Variants in CCSER1 observed in about 807,000 individuals in gnomAD.
CCSER1 encodes the protein coiled-coil serine rich protein 1, also known as serine-rich coiled-coil domain-containing protein 1.
CCSER1 carries 41 observed loss-of-function variants against 82.0 expected under a neutral mutation model. That is an observed-to-expected ratio of 0.50 (90% CI 0.39 to 0.65). The LOEUF (loss-of-function observed/expected upper bound fraction) is 0.65. Among genes scored for constraint, CCSER1 ranks in the 30% least tolerant of loss-of-function variants. The pLI, the probability that CCSER1 is intolerant of heterozygous loss-of-function variation, is 0.00. For missense variants in CCSER1, 1,119 were observed against 1,064.2 expected (o/e 1.05, Z -0.72); for synonymous variants, 414 against 383.9 (o/e 1.08, Z -0.92).
chr4:90,785,515 C>G (rs1754382997), intron 7 of CCSER1, among the ~76,000 whole-genome samples: 1 of 152,152 alleles, frequency 6.6e-6, no homozygotes, highest in Non-Finnish European at 1.5e-5. Flanking sequence ...AAGTCTATTA[C>G]TTTCAAGATA....
At chr4:90,523,141 G>A (rs1773341633) in intron 5 of CCSER1, among the ~76,000 whole-genome samples, 1 of 152,060 alleles carries the variant, frequency 6.6e-6, no homozygotes, top group Admixed American at 6.6e-5. Flanking sequence ...TTTAAGCCAG[G>A]TTCAGTATTA....
At chr4:90,784,367 C>A (rs1174686789) in intron 7 of CCSER1, among the ~76,000 whole-genome samples, 1 of 152,202 alleles carries the variant, frequency 6.6e-6, no homozygotes, top group Non-Finnish European at 1.5e-5. Flanking sequence ...ATCATAAATG[C>A]ATATGCTGAT....
chr4:91,513,916 T>G (rs1759960836), intron 10 of CCSER1, among the ~76,000 whole-genome samples: 1 of 152,164 alleles, frequency 6.6e-6, no homozygotes, highest in South Asian at 2.1e-4. Context: ...ATTTTTGGTT[T>G]CATTGATTCT....
intron 6 of CCSER1, among the ~76,000 whole-genome samples, chr4:90,700,244 G>C (rs993073248): frequency 6.6e-6 from 1 of 151,990 alleles, no homozygotes; most frequent in African/African-American, 2.4e-5. Context: ...GGTGTGTTTG[G>C]TTTTTTGTCC....
chr4:90,365,110 G>C (rs1464052562), intron 3 of CCSER1, among the ~76,000 whole-genome samples: 2 of 151,640 alleles, frequency 1.3e-5, no homozygotes, highest in Non-Finnish European at 3.0e-5. Context: ...ATTTTTGAGG[G>C]GAAAAAGATA....
chr4:90,439,021 C>T (rs1488798584), intron 4 of CCSER1, among the ~76,000 whole-genome samples: 1 of 152,056 alleles, frequency 6.6e-6, no homozygotes. Context: ...TGGCTGGGCA[C>T]GGTGGCTCAC....
chr4:91,407,357 A>C (rs1752761200), intron 10 of CCSER1, among the ~76,000 whole-genome samples: 1 of 152,180 alleles, frequency 6.6e-6, no homozygotes, highest in African/African-American at 2.4e-5. Context: ...GTGGAGAGTG[A>C]CCATGTATTT....
chr4:91,230,006 T>A (rs189200555), intron 10 of CCSER1, among the ~76,000 whole-genome samples: 1 of 152,062 alleles, frequency 6.6e-6, no homozygotes, highest in South Asian at 2.1e-4. Flanking sequence ...TTAAAAAAAA[T>A]TAATTTCTTT....
chr4:91,243,444 G>A (rs1368627357), intron 10 of CCSER1, among the ~76,000 whole-genome samples: 1 of 152,194 alleles, frequency 6.6e-6, no homozygotes, highest in Non-Finnish European at 1.5e-5. Context: ...ACAGCTAAGG[G>A]AGTGCTTGTG....
intron 8 of CCSER1, among the ~76,000 whole-genome samples, chr4:90,880,828 A>T (rs909108479): frequency 2.0e-5 from 3 of 151,866 alleles, no homozygotes; most frequent in Non-Finnish European, 4.4e-5. Context: ...TGGGCTGGGG[A>T]GGTTACTTTG....
intron 10 of CCSER1, among the ~76,000 whole-genome samples, chr4:91,089,068 T>G (rs1723674664): frequency 6.6e-6 from 1 of 152,160 alleles, no homozygotes; most frequent in Admixed American, 6.5e-5. Context: ...TTTAATCAGC[T>G]GAAAGCATCA....
intron 1 of CCSER1, among the ~76,000 whole-genome samples, chr4:90,276,449 C>T (rs1363584488): frequency 2.0e-5 from 3 of 150,346 alleles, no homozygotes; most frequent in East Asian, 3.9e-4. Context: ...TGGATTCAAG[C>T]GATTCTCCTG....
At chr4:91,430,762 A>C (rs907200697) in intron 10 of CCSER1, among the ~76,000 whole-genome samples, 3 of 152,204 alleles carry the variant, frequency 2.0e-5, no homozygotes, top group Non-Finnish European at 2.9e-5. Context: ...AGCTTCTCAA[A>C]TGAATGCAAA....
chr4:90,749,166 T>A (rs2149475385), intron 7 of CCSER1, among the ~76,000 whole-genome samples: 1 of 151,118 alleles, frequency 6.6e-6, no homozygotes, highest in Non-Finnish European at 1.5e-5. Context: ...TTTTTATGGT[T>A]TTAGGTCTAA....
chr4:91,531,388 T>C (rs946820652), intron 10 of CCSER1, among the ~76,000 whole-genome samples: 2 of 152,218 alleles, frequency 1.3e-5, no homozygotes, highest in Admixed American at 1.3e-4. Flanking sequence ...AAGTGGCCTA[T>C]CTTGTAGTAT....
At chr4:90,610,743 C>A (rs1349090620) in intron 5 of CCSER1, among the ~76,000 whole-genome samples, 2 of 152,054 alleles carry the variant, frequency 1.3e-5, no homozygotes, top group Non-Finnish European at 2.9e-5. Context: ...ACAATGAAGG[C>A]AAATATTATC....
chr4:91,230,794 A>C (rs1738567692), intron 10 of CCSER1, among the ~76,000 whole-genome samples: 1 of 151,972 alleles, frequency 6.6e-6, no homozygotes, highest in Admixed American at 6.6e-5. Context: ...AAGTTAAAAC[A>C]CAATTATAAC....
In CCSER1 at chr4:90,950,746, T is replaced by G. The variant is rs1732817545; in HGVS notation, c.2172+27299T>G. Among the ~76,000 whole-genome samples the G allele has an allele frequency of 1.3e-5, 2 of 152,106 alleles. 1 individual carries two copies. Among genetic ancestry groups the G allele is most frequent in the Admixed American group, 1.3e-4 (2 of 15,246 alleles). On this transcript the variant is annotated intron_variant, in intron 9 of 10. Coordinates refer to ENST00000509176, the MANE Select transcript of CCSER1 (RefSeq NM_001145065.2). Reference sequence around the variant, plus strand: ...TATAGAGATAACCACTTTTGCTGACTCCAGGGTATTCTTGAAAACAATACG... The same window carrying G: ...TATAGAGATAACCACTTTTGCTGACGCCAGGGTATTCTTGAAAACAATACG...
chr4:90,600,336 CA>C (rs1167199624), intron 5 of CCSER1, among the ~76,000 whole-genome samples: 1 of 152,072 alleles, frequency 6.6e-6, no homozygotes, highest in Admixed American at 6.6e-5. Flanking sequence ...ATTTCCTACC[CA>C]AAACTTGGTA....
Sources: gnomAD v4.1 joint callset for allele counts (sites outside exome capture counted in the v4.1 genomes callset) on GRCh38, gnomAD v4.1.1 for gene constraint, MANE v1.5 for transcripts, NCBI Gene and HGNC (gene_info 2026-07-23, HGNC 2026-07-21) for gene names.